The following MAP4K4 variants were observed in gnomAD, a reference collection of about 807,000 sequenced individuals.
MAP4K4 encodes the protein mitogen-activated protein kinase kinase kinase kinase 4, also known as HPK/GCK-like kinase HGK.
Under a neutral mutation model 189.6 loss-of-function variants are expected in MAP4K4, and 38 were observed. The observed-to-expected ratio is 0.20, with a 90% CI of 0.15 to 0.26. The LOEUF (loss-of-function observed/expected upper bound fraction) is 0.26, where lower values mean the gene tolerates loss of function less well. Among genes scored for constraint, MAP4K4 ranks in the 10% least tolerant of loss-of-function variants. MAP4K4 has a pLI of 1.00. For missense variants in MAP4K4, 1,054 were observed against 1,726.9 expected, an observed-to-expected ratio of 0.61 and a Z score of 6.91; for synonymous variants, 610 against 624.3, an observed-to-expected ratio of 0.98 and a Z score of 0.34.
chr2:101,719,797 A>G (rs1258910262), intron 2 of MAP4K4, among the ~76,000 whole-genome samples: 1 of 152,040 alleles, frequency 6.6e-6, no homozygotes, highest in African/African-American at 2.4e-5. Context: ...GTGGATCACA[A>G]GGTCAGGAGT....
intron 2 of MAP4K4, among the ~76,000 whole-genome samples, chr2:101,767,679 A>ACTGCT (rs2079209343): frequency 6.6e-6 from 1 of 152,216 alleles, no homozygotes; most frequent in Non-Finnish European, 1.5e-5. Flanking sequence ...GGTCCTCAGC[A>ACTGCT]GGCAGAGTTC....
chr2:101,705,362 T>C (rs778452141), intron 2 of MAP4K4, among the ~76,000 whole-genome samples: 2 of 152,198 alleles, frequency 1.3e-5, no homozygotes, highest in East Asian at 3.8e-4. Context: ...TCATACATTC[T>C]GTGTTGTCTG....
intron 2 of MAP4K4, among the ~76,000 whole-genome samples, chr2:101,752,093 C>T (rs1047776740): frequency 1.3e-5 from 2 of 152,160 alleles, no homozygotes; most frequent in South Asian, 2.1e-4. Context: ...CAAAGCTTAA[C>T]GGTGTTTCAG....
chr2:101,871,211 A>C (rs923763753), intron 23 of MAP4K4, among the ~76,000 whole-genome samples: 3 of 152,192 alleles, frequency 2.0e-5, no homozygotes, highest in Non-Finnish European at 4.4e-5. Context: ...AAGAAAAAAA[A>C]AAGGATACTG....
intron 3 of MAP4K4, among the ~76,000 whole-genome samples, chr2:101,811,804 T>TGAA (rs2095446649): frequency 6.6e-6 from 1 of 152,218 alleles, no homozygotes; most frequent in Non-Finnish European, 1.5e-5. Flanking sequence ...TTACTGACCT[T>TGAA]CATTTTTTTG....
intron 2 of MAP4K4, among the ~76,000 whole-genome samples, chr2:101,732,862 C>G (rs1208856301): frequency 1.3e-5 from 2 of 152,272 alleles, no homozygotes; most frequent in East Asian, 3.8e-4. Context: ...GTTGGGATTA[C>G]AGGCGTGAGC....
At chr2:101,760,524 G>GTA (rs1256640184) in intron 2 of MAP4K4, among the ~76,000 whole-genome samples, 700 of 55,836 alleles carry the variant, frequency 0.013, 3 homozygotes, top group Non-Finnish European at 0.018. Flanking sequence ...ATATATATAT[G>GTA]TATATATGTG....
At chr2:101,838,092 G>T (rs2096815393) in intron 9 of MAP4K4, among the ~76,000 whole-genome samples, 1 of 152,202 alleles carries the variant, frequency 6.6e-6, no homozygotes, top group South Asian at 2.1e-4. Flanking sequence ...GATGATCAGT[G>T]TCCTTCTGCC....
At chr2:101,804,569 G>C (rs1272707916) in intron 3 of MAP4K4, among the ~76,000 whole-genome samples, 2 of 152,126 alleles carry the variant, frequency 1.3e-5, no homozygotes, top group African/African-American at 4.8e-5. Context: ...CTGAGCACAG[G>C]AACCTTGTGC....
intron 3 of MAP4K4, among the ~76,000 whole-genome samples, chr2:101,798,860 T>C (rs796539988): frequency 2.6e-4 from 39 of 152,362 alleles, no homozygotes; most frequent in African/African-American, 9.4e-4. Context: ...TCTCATCTTT[T>C]GTAATCACAA....
intron 19 of MAP4K4, 54 bp downstream of exon 19, chr2:101,866,633 T>C (rs2097824771): frequency 1.9e-6 from 3 of 1,585,192 alleles, no homozygotes; most frequent in Middle Eastern, 1.7e-4. Context: ...CTGTGATCCA[T>C]ATCTTGGAAG....
At chr2:101,701,195 G>A (rs1475161279) in intron 2 of MAP4K4, among the ~76,000 whole-genome samples, 7 of 152,174 alleles carry the variant, frequency 4.6e-5, no homozygotes, top group Non-Finnish European at 8.8e-5. Context: ...TAGCGCAGAT[G>A]TTGCTTATTT....
At chr2:101,889,322 G>T (rs189397535) in intron 32 of MAP4K4, among the ~76,000 whole-genome samples, 1 of 152,294 alleles carries the variant, frequency 6.6e-6, no homozygotes, top group Non-Finnish European at 1.5e-5. Flanking sequence ...GACCTAATGT[G>T]TGTCAAGAAG....
chr2:101,888,881 G>C (rs745507053), exon 32 of MAP4K4: 1 of 1,613,586 alleles, frequency 6.2e-7, no homozygotes, highest in Non-Finnish European at 8.5e-7. Context: ...TGGATGGTGT[G>C]TTCATGCACA....
intron 27 of MAP4K4, among the ~76,000 whole-genome samples, chr2:101,878,961 ATGG>A (rs1187952525): frequency 6.6e-6 from 1 of 152,060 alleles, no homozygotes; most frequent in Non-Finnish European, 1.5e-5. Context: ...GTGCTGATGG[ATGG>A]TAGTTTTTTA....
intron 31 of MAP4K4, 118 bp from the exon 32 acceptor site, chr2:101,888,678 A>C (rs1350190694): frequency 2.7e-6 from 2 of 742,668 alleles, no homozygotes; most frequent in Non-Finnish European, 3.9e-6. Flanking sequence ...CTAGGCATTT[A>C]AATTTTAAAT....
rs2094397900 is a variant in MAP4K4, at chr2:101,801,758, T to C, written c.180+10982T>C. Among the ~76,000 whole-genome samples, 3 of 152,196 alleles carry C rather than the reference T, an allele frequency of 2.0e-5. No individual in the cohort carries two copies. The South Asian group carries it at 6.2e-4, about 31-fold the overall frequency. On this transcript the variant is annotated intron_variant, in intron 3 of 32. Coordinates refer to ENST00000324219, the Ensembl canonical transcript of MAP4K4. ...ACACCTCTCCTGAGTGCTGCATTGA[T>C]GTATCACCTGCCTCATCAGCATCTC...
At chr2:101,737,457 ATATATTTTTTTT>A (rs1477900616) in intron 2 of MAP4K4, among the ~76,000 whole-genome samples, 79 of 34,614 alleles carry the variant, frequency 2.3e-3, no homozygotes, top group African/African-American at 0.012. Context: ...ATATATATAT[ATATATTTTTTTT>A]TTTTTTTTTT....
In MAP4K4 at chr2:101,858,937, G is replaced by C. The variant is rs1390814606; in HGVS notation, c.1396-59G>C. 1.4e-5 allele frequency: 18 copies of C among 1,282,468 alleles called. No homozygotes were observed. The East Asian group carries it at 4.2e-4, about 30-fold the overall frequency. The allele number at this position is 1,282,468 out of a possible 1,614,324, so 79.4% of individuals were successfully genotyped here. Reference sequence around the variant, plus strand: ...CAAATGGTTCTTGGTGCTCCATTCAGGTGGTTCTGATGCTTTTCTTTGGGA... The same window carrying C: ...CAAATGGTTCTTGGTGCTCCATTCACGTGGTTCTGATGCTTTTCTTTGGGA... On this transcript the variant is annotated intron_variant, in intron 13 of 32. Transcript: ENST00000324219.
Sources: gnomAD v4.1 joint callset for allele counts (sites outside exome capture counted in the v4.1 genomes callset) on GRCh38, gnomAD v4.1.1 for gene constraint, MANE v1.5 for transcripts, NCBI Gene and HGNC (gene_info 2026-07-23, HGNC 2026-07-21) for gene names.